RAB6B: variants seen among roughly 807,000 people sequenced by gnomAD.
RAB6B encodes ras-related protein Rab-6B.
RAB6B carries 7 observed loss-of-function variants against 31.2 expected under a neutral mutation model. The observed-to-expected ratio is 0.22, with a 90% CI of 0.13 to 0.42. RAB6B has a LOEUF of 0.42. RAB6B is among the 10% of genes least tolerant of loss of function. The pLI is 1.00. For missense variants in RAB6B, 149 were observed against 280.6 expected, an observed-to-expected ratio of 0.53 and a Z score of 3.35; for synonymous variants, 105 against 104.9, an observed-to-expected ratio of 1.00 and a Z score of -0.01.
Position 133,825,363 on chromosome 3 carries a change from A to G in RAB6B, c.*3425T>C, listed in dbSNP as rs974994129. ...AGATGTGTCTGCACTCTTAACTACC[A>G]CCATTTCAATCCTTGTTTCTGTTGC... On this transcript the variant is annotated 3_prime_UTR_variant, in exon 8 of 8. Transcript: ENST00000285208. The G allele has an allele frequency of 6.6e-6, 1 of 152,070 alleles. No homozygotes were observed. Among genetic ancestry groups the G allele is most frequent in the African/African-American group, 2.4e-5 (1 of 41,384 alleles). 9.4% of individuals were successfully genotyped at this position (152,070 alleles called of 1,614,324 possible).
At chr3:133,831,504 T>C (rs183564057) in intron 7 of RAB6B, among the ~76,000 whole-genome samples, 22 of 152,340 alleles carry the variant, frequency 1.4e-4, no homozygotes, top group African/African-American at 7.2e-5. Context: ...GGCTGCAGAA[T>C]TGGAGAGCAC....
intron 2 of RAB6B, among the ~76,000 whole-genome samples, chr3:133,843,752 T>C (rs1383458524): frequency 6.6e-6 from 1 of 152,176 alleles, no homozygotes; most frequent in East Asian, 1.9e-4. Flanking sequence ...GAACGTGATG[T>C]AGGCATCTTT....
chr3:133,864,687 C>T (rs2108003904), intron 1 of RAB6B, 45 bp from the exon 2 acceptor site: 1 of 1,543,916 alleles, frequency 6.5e-7, no homozygotes, highest in Non-Finnish European at 9.0e-7. Flanking sequence ...GGCATCTGAG[C>T]TAGGCTCTTC....
At chr3:133,879,722 G>A (rs1936441341) in intron 1 of RAB6B, among the ~76,000 whole-genome samples, 1 of 152,110 alleles carries the variant, frequency 6.6e-6, no homozygotes, top group Non-Finnish European at 1.5e-5. Context: ...ATACCTCCAT[G>A]GTCAGCTCAC....
At chr3:133,887,029 G>A (rs1936558125) in intron 1 of RAB6B, among the ~76,000 whole-genome samples, 1 of 151,800 alleles carries the variant, frequency 6.6e-6, no homozygotes, top group Non-Finnish European at 1.5e-5. Flanking sequence ...GGGTGGGGGT[G>A]GGAGCTGGGG....
intron 2 of RAB6B, among the ~76,000 whole-genome samples, chr3:133,860,425 C>G (rs1193473997): frequency 6.6e-6 from 1 of 152,190 alleles, no homozygotes; most frequent in Non-Finnish European, 1.5e-5. Context: ...GGGGGATTCT[C>G]TCCCAGAGCC....
intron 2 of RAB6B, among the ~76,000 whole-genome samples, chr3:133,857,690 C>T (rs1208934660): frequency 6.6e-6 from 1 of 152,236 alleles, no homozygotes; most frequent in African/African-American, 2.4e-5. Context: ...ACAGGCTGGC[C>T]TGATAGAACA....
At chr3:133,892,157 C>G (rs141249219) in intron 1 of RAB6B, among the ~76,000 whole-genome samples, 1 of 152,164 alleles carries the variant, frequency 6.6e-6, no homozygotes, top group South Asian at 2.1e-4. Context: ...CCAGTCGGGA[C>G]TGACATATGT....
At chr3:133,854,159 T>C (rs1157263828) in intron 2 of RAB6B, among the ~76,000 whole-genome samples, 1 of 152,184 alleles carries the variant, frequency 6.6e-6, no homozygotes, top group Non-Finnish European at 1.5e-5. Flanking sequence ...CCTAGGAACC[T>C]TTGTGGTTGC....
In RAB6B at chr3:133,836,401, A is replaced by ATCAGGTATGGGTTTCTAGGG. The variant is rs369218798; in HGVS notation, c.495+1745_496-1761dup. ...TAGGGATTTTGAAGGGTGCTCTAGGATCAGGTATGGGTTTCTAGGGTCAGG... is the reference window on the plus strand; with the variant it reads ...TAGGGATTTTGAAGGGTGCTCTAGGATCAGGTATGGGTTTCTAGGGTCAGGTATGGGTTTCTAGGGTCAGG... On this transcript the variant is annotated intron_variant, in intron 6 of 7. Transcript: ENST00000285208. 1.2e-3 allele frequency among the ~76,000 whole-genome samples: 180 copies of ATCAGGTATGGGTTTCTAGGG among 152,306 alleles called. 3 individuals are homozygous for ATCAGGTATGGGTTTCTAGGG. Among genetic ancestry groups the ATCAGGTATGGGTTTCTAGGG allele is most frequent in the Non-Finnish European group, 1.4e-3 (98 of 68,008 alleles).
chr3:133,866,906 G>A (rs1339886646), intron 1 of RAB6B, among the ~76,000 whole-genome samples: 1 of 152,264 alleles, frequency 6.6e-6, no homozygotes, highest in East Asian at 1.9e-4. Flanking sequence ...TCTGCGTCTT[G>A]CACCTTAGGG....
At chr3:133,829,376 G>C (rs1437878657) in intron 7 of RAB6B, among the ~76,000 whole-genome samples, 1 of 152,202 alleles carries the variant, frequency 6.6e-6, no homozygotes, top group Non-Finnish European at 1.5e-5. Context: ...TGGGGCCTAA[G>C]CACAGCCCCC....
Position 133,841,515 on chromosome 3 carries a change from G to A in RAB6B, c.183+95C>T, listed in dbSNP as rs553997800. Reference sequence around the variant, plus strand: ...ATCACCAGCTCCAGCCCCTAGTGTCGGCAGGTGCTCTCAGTGGTGCCCAGC... The same window carrying A: ...ATCACCAGCTCCAGCCCCTAGTGTCAGCAGGTGCTCTCAGTGGTGCCCAGC... On this transcript the variant is annotated intron_variant, in intron 3 of 7. Coordinates refer to ENST00000285208, the MANE Select transcript of RAB6B (RefSeq NM_016577.4). The A allele has an allele frequency of 8.5e-5, 131 of 1,537,210 alleles. 1 individual carries two copies. In the East Asian group the frequency reaches 2.3e-3, roughly 27 times the overall value.
intron 2 of RAB6B, among the ~76,000 whole-genome samples, chr3:133,848,633 C>T (rs1242643052): frequency 6.6e-6 from 1 of 152,106 alleles, no homozygotes; most frequent in Non-Finnish European, 1.5e-5. Flanking sequence ...GGAAAGTGAA[C>T]ACACAACAGA....
At chr3:133,861,090 C>T (rs945018891) in intron 2 of RAB6B, among the ~76,000 whole-genome samples, 2 of 152,218 alleles carry the variant, frequency 1.3e-5, no homozygotes, top group East Asian at 1.9e-4. Context: ...ACAGGTTTCA[C>T]ACAGGCGGCT....
At chr3:133,877,863 G>A (rs2108010934) in intron 1 of RAB6B, among the ~76,000 whole-genome samples, 1 of 151,008 alleles carries the variant, frequency 6.6e-6, no homozygotes, top group East Asian at 1.9e-4. Context: ...GTTACACGGG[G>A]TAAAAAATAG....
intron 2 of RAB6B, among the ~76,000 whole-genome samples, chr3:133,844,215 A>G (rs1009834380): frequency 1.3e-5 from 2 of 152,184 alleles, no homozygotes; most frequent in Non-Finnish European, 2.9e-5. Flanking sequence ...CATAAACACC[A>G]TTACTGAACA....
At chr3:133,856,582 C>T (rs940905529) in intron 2 of RAB6B, among the ~76,000 whole-genome samples, 4 of 152,074 alleles carry the variant, frequency 2.6e-5, no homozygotes, top group Admixed American at 6.5e-5. Context: ...TCTAATCAAG[C>T]GAGGGAGTAG....
intron 1 of RAB6B, among the ~76,000 whole-genome samples, chr3:133,886,366 C>T (rs1383292003): frequency 6.6e-6 from 1 of 152,238 alleles, no homozygotes; most frequent in Non-Finnish European, 1.5e-5. Context: ...GTACTACCGA[C>T]CTCACACATC....
Sources: allele counts gnomAD v4.1 joint callset (sites outside exome capture counted in the v4.1 genomes callset), GRCh38; gene constraint gnomAD v4.1.1; transcripts MANE v1.5; gene names NCBI Gene and HGNC (gene_info 2026-07-23, HGNC 2026-07-21).